NEXMIF: variants seen among roughly 807,000 people sequenced by gnomAD.
NEXMIF encodes neurite extension and migration factor.
A neutral mutation model predicts 62.1 loss-of-function variants in NEXMIF; 8 were observed. The observed-to-expected ratio is 0.13, with a 90% CI of 0.08 to 0.23. The LOEUF is 0.23. Among genes scored for constraint, NEXMIF ranks in the 10% least tolerant of loss-of-function variants. The pLI, the probability that NEXMIF is intolerant of heterozygous loss-of-function variation, is 1.00. For missense variants in NEXMIF, 976 were observed against 1,113.3 expected (o/e 0.88, Z 1.75); for synonymous variants, 404 against 416.6 (o/e 0.97, Z 0.37).
At chrX:74,779,067 C>G (rs978224202) in intron 1 of NEXMIF, among the ~76,000 whole-genome samples, 1 of 112,657 alleles carries the variant, frequency 8.9e-6, no homozygotes, top group Non-Finnish European at 1.9e-5. Flanking sequence ...CACATTCTTG[C>G]TGCTGCAAAT....
intron 1 of NEXMIF, among the ~76,000 whole-genome samples, chrX:74,821,733 G>A (rs2080396913): frequency 9.0e-6 from 1 of 111,570 alleles, no homozygotes; most frequent in South Asian, 3.8e-4. Context: ...AAAATTGTGT[G>A]TGTGTGTGTG....
At chrX:74,858,955 AAT>A (rs1405939646) in intron 1 of NEXMIF, among the ~76,000 whole-genome samples, 1 of 110,420 alleles carries the variant, frequency 9.1e-6, no homozygotes, top group Non-Finnish European at 1.9e-5. Flanking sequence ...GTTATTTGAA[AAT>A]ACACAGTAAG....
chrX:74,858,999 A>G (rs777693103), intron 1 of NEXMIF, among the ~76,000 whole-genome samples: 34 of 110,445 alleles, frequency 3.1e-4, no homozygotes, highest in Non-Finnish European at 5.1e-4. Flanking sequence ...GAAAAGAATG[A>G]TGCATGCCTA....
intron 1 of NEXMIF, among the ~76,000 whole-genome samples, chrX:74,775,541 G>T (rs940907935): frequency 8.9e-6 from 1 of 112,244 alleles, no homozygotes; most frequent in African/African-American, 3.2e-5. Context: ...TACCAAGATT[G>T]CTCTACCAGA....
chrX:74,893,296 C>T (rs1569364719), intron 1 of NEXMIF, among the ~76,000 whole-genome samples: 4 of 112,133 alleles, frequency 3.6e-5, no homozygotes, highest in African/African-American at 9.7e-5. Context: ...AGGAAAATGA[C>T]CTTGTTTTGT....
chrX:74,751,488 CTCTCT>C (rs894034251), intron 1 of NEXMIF, among the ~76,000 whole-genome samples: 1 of 108,890 alleles, frequency 9.2e-6, no homozygotes, highest in African/African-American at 3.3e-5. Flanking sequence ...CTCTGTCTCT[CTCTCT>C]TTTTTTTTTT....
At chrX:74,878,631 A>C (rs1378629485) in intron 1 of NEXMIF, among the ~76,000 whole-genome samples, 1 of 112,714 alleles carries the variant, frequency 8.9e-6, no homozygotes, top group Non-Finnish European at 1.9e-5. Context: ...CAGTGCTCGC[A>C]ATCAGCGGGA....
chrX:74,811,316 C>G (rs2080359761), intron 1 of NEXMIF, among the ~76,000 whole-genome samples: 1 of 111,526 alleles, frequency 9.0e-6, no homozygotes, highest in Non-Finnish European at 1.9e-5. Flanking sequence ...CCAAATATGA[C>G]TTCCCCTTCC....
At chrX:74,824,177 T>C (rs748217809) in intron 1 of NEXMIF, among the ~76,000 whole-genome samples, 11 of 111,358 alleles carry the variant, frequency 9.9e-5, no homozygotes, top group Non-Finnish European at 1.9e-4. Context: ...ATGCACAGTA[T>C]ATTATTATTA....
At chrX:74,808,150 T>A (rs1285547165) in intron 1 of NEXMIF, among the ~76,000 whole-genome samples, 1 of 111,477 alleles carries the variant, frequency 9.0e-6, no homozygotes, top group African/African-American at 3.3e-5. Flanking sequence ...ATACCTGTAA[T>A]CCCAGCACCT....
chrX:74,911,121 C>T (rs1300681203), intron 1 of NEXMIF, among the ~76,000 whole-genome samples: 2 of 111,926 alleles, frequency 1.8e-5, no homozygotes, highest in Admixed American at 1.9e-4. Flanking sequence ...TGACCACTGT[C>T]TTCAAAAGTA....
chrX:74,854,325 T>C (rs1288229092), intron 1 of NEXMIF, among the ~76,000 whole-genome samples: 1 of 111,951 alleles, frequency 8.9e-6, no homozygotes, highest in Non-Finnish European at 1.9e-5. Flanking sequence ...CGGACAACAA[T>C]AATATGATAA....
At chrX:74,768,648 C>T (rs1189515126) in intron 1 of NEXMIF, among the ~76,000 whole-genome samples, 1 of 111,686 alleles carries the variant, frequency 9.0e-6, no homozygotes, top group Non-Finnish European at 1.9e-5. Context: ...ACAGTGAGCT[C>T]CCCATCAATA....
At chrX:74,872,676 T>G (rs760209696) in intron 1 of NEXMIF, among the ~76,000 whole-genome samples, 1 of 109,949 alleles carries the variant, frequency 9.1e-6, no homozygotes, top group Admixed American at 9.7e-5. Flanking sequence ...ACTAAAACAG[T>G]ATAATTAAAT....
rs1165543381 is a variant in NEXMIF at position 74,742,716 on chromosome X, G to C, written c.1841C>G (p.Pro614Arg). The C allele has an allele frequency of 1.7e-5, 20 of 1,208,820 alleles. No homozygotes were observed. In the South Asian group the frequency reaches 3.4e-4, roughly 20 times the overall value. Residue 614 changes from proline (P) to arginine (R), a missense_variant, in exon 3 of 4, where the codon CCA becomes CGA. Pro to Arg is a moderately radical substitution (Grantham distance 103). This residue lies in a region of NEXMIF where 639 missense variants were observed against 694.5 expected (regional missense o/e 0.92). Transcript: ENST00000055682. ...CAGAAATGACACCTCAAAGCTACCT[G>C]GTTCAAAGCTTTGCTTTTGGGAAAA... Reference protein sequence around the residue: ...TPFSQKQSFEPGSFEVSFLPP... With the variant: ...TPFSQKQSFERGSFEVSFLPP...
At chrX:74,826,928 T>A (rs1335302956) in intron 1 of NEXMIF, among the ~76,000 whole-genome samples, 2 of 111,757 alleles carry the variant, frequency 1.8e-5, no homozygotes, top group Non-Finnish European at 3.8e-5. Flanking sequence ...AATAAATCCC[T>A]CTCCAAATAT....
At chrX:74,835,417 C>T (rs1464960862) in intron 1 of NEXMIF, among the ~76,000 whole-genome samples, 1 of 111,587 alleles carries the variant, frequency 9.0e-6, no homozygotes, top group Non-Finnish European at 1.9e-5. Context: ...GTAGTCTTCA[C>T]AGTCTGGGCT....
At chrX:74,769,531 G>C (rs1276163672) in intron 1 of NEXMIF, 1 of 370,715 alleles carries the variant, frequency 2.7e-6, no homozygotes, top group Admixed American at 4.8e-5. Context: ...TCCTTCCAGT[G>C]CCACTTGAGC....
At position 74,743,891 on chromosome X, in the gene NEXMIF, T is replaced by C; in HGVS notation, c.666A>G (p.Lys222=). 8.3e-7 allele frequency: 1 copy of C among 1,211,273 alleles called. No homozygotes were observed. The highest frequency in any genetic ancestry group is 1.1e-6 in the Non-Finnish European group (1 of 895,226). The stretch of plus-strand genomic sequence containing the variant: ...CCGGATCCTCCAAGTCAATGTCAGG[T>C]TTCTCAGTTTCTCGTCTGTCTCCTG... ...SRAGDRRETE[K]PDIDLEDPAQ... The change falls in exon 3 of 4, where the codon AAA becomes AAG. Residue 222 remains lysine (K), a synonymous_variant. Transcript: ENST00000055682.
Sources: gnomAD v4.1 joint callset for allele counts (sites outside exome capture counted in the v4.1 genomes callset) on GRCh38, gnomAD v4.1.1 for gene constraint, gnomAD v4.1.1 regional missense constraint, MANE v1.5 for transcripts, NCBI Gene and HGNC (gene_info 2026-07-23, HGNC 2026-07-21) for gene names.